The following CNTN4 variants were observed in gnomAD, a reference collection of about 807,000 sequenced individuals.
CNTN4 encodes contactin 4.
A neutral mutation model predicts 122.5 loss-of-function variants in CNTN4; 77 were observed. That is an observed-to-expected ratio of 0.63 (90% CI 0.52 to 0.76). The LOEUF is 0.76. Among genes scored for constraint, CNTN4 ranks in the 30% least tolerant of loss-of-function variants. CNTN4 has a pLI of 0.00. For missense variants in CNTN4, 1,256 were observed against 1,259.1 expected, an observed-to-expected ratio of 1.00 and a Z score of 0.04; for synonymous variants, 512 against 447.0, an observed-to-expected ratio of 1.15 and a Z score of -1.83.
intron 2 of CNTN4, among the ~76,000 whole-genome samples, chr3:2,209,038 A>G (rs2038489261): frequency 1.3e-5 from 2 of 152,176 alleles, no homozygotes; most frequent in African/African-American, 2.4e-5. Flanking sequence ...CAAATTCACA[A>G]TAATTCTGAA....
At chr3:2,729,380 C>CGGTGAAACCCCGTCTCTACT (rs1559437998) in intron 4 of CNTN4, among the ~76,000 whole-genome samples, 24 of 148,518 alleles carry the variant, frequency 1.6e-4, no homozygotes, top group African/African-American at 5.8e-4. Context: ...CCGGCTAACA[C>CGGTGAAACCCCGTCTCTACT]AAAATTAACA....
At chr3:2,339,559 G>A (rs1502576) in intron 3 of CNTN4, among the ~76,000 whole-genome samples, 51,445 of 152,008 alleles carry the variant, frequency 0.34, 8,897 homozygotes, top group Admixed American at 0.4. Context: ...TTGTACTTTT[G>A]CCAAATGGTT....
At chr3:2,410,167 T>A (rs2047179280) in intron 3 of CNTN4, among the ~76,000 whole-genome samples, 1 of 152,206 alleles carries the variant, frequency 6.6e-6, no homozygotes, top group South Asian at 2.1e-4. Context: ...TTCTTCTTGA[T>A]AAAGTGTTAT....
intron 2 of CNTN4, among the ~76,000 whole-genome samples, chr3:2,154,857 A>T (rs2035650203): frequency 6.6e-6 from 1 of 152,228 alleles, no homozygotes; most frequent in African/African-American, 2.4e-5. Flanking sequence ...AGTGCCAGAA[A>T]TACGGAGGAA....
At chr3:2,162,762 A>G (rs2036020916) in intron 2 of CNTN4, among the ~76,000 whole-genome samples, 1 of 152,210 alleles carries the variant, frequency 6.6e-6, no homozygotes, top group African/African-American at 2.4e-5. Flanking sequence ...AGTTTCCTGT[A>G]CTACTCAGGA....
intron 3 of CNTN4, among the ~76,000 whole-genome samples, chr3:2,566,938 C>CA (rs1368843109): frequency 2.0e-5 from 3 of 151,758 alleles, no homozygotes; most frequent in Non-Finnish European, 4.4e-5. Flanking sequence ...AGGAGAAAAG[C>CA]AAAAAAGGTA....
chr3:2,819,544 A>G lies in CNTN4; in HGVS notation c.417A>G (p.Gly139=). 6.2e-7 allele frequency: 1 copy of G among 1,614,130 alleles called. No individual in the cohort carries two copies. The highest frequency in any genetic ancestry group is 1.6e-4 in the Middle Eastern group (1 of 6,062). The part of the protein sequence containing the change: ...RSTVSVRRGQ[G]MVLLCGPPPH... ...CTGTGTCTGTCCGTCGAGGTCAAGG[A>G]ATGGTGCTACTGTGTGGCCCGCCAC... Residue 139 remains glycine (G), a synonymous_variant, in exon 7 of 25, where the codon GGA becomes GGG. Transcript: ENST00000418658.
chr3:2,239,696 C>T (rs180924448), intron 2 of CNTN4, among the ~76,000 whole-genome samples: 69 of 152,080 alleles, frequency 4.5e-4, no homozygotes, highest in Admixed American at 4.1e-3. Flanking sequence ...CAGTCTTCTT[C>T]TTATAATTAA....
intron 2 of CNTN4, among the ~76,000 whole-genome samples, chr3:2,180,383 A>T (rs1440505361): frequency 6.6e-6 from 1 of 152,030 alleles, no homozygotes; most frequent in African/African-American, 2.4e-5. Flanking sequence ...GTTTAACCTT[A>T]TCAATAGTAG....
chr3:2,461,998 T>C (rs2049229375), intron 3 of CNTN4, among the ~76,000 whole-genome samples: 1 of 152,152 alleles, frequency 6.6e-6, no homozygotes, highest in African/African-American at 2.4e-5. Flanking sequence ...CTGGAGACAT[T>C]TTTGGTTATC....
chr3:2,803,762 T>C (rs965998932), intron 6 of CNTN4, among the ~76,000 whole-genome samples: 1 of 152,038 alleles, frequency 6.6e-6, no homozygotes, highest in Non-Finnish European at 1.5e-5. Flanking sequence ...AGTTTCACCA[T>C]GTTGGCCAGG....
intron 3 of CNTN4, among the ~76,000 whole-genome samples, chr3:2,355,041 G>A (rs1157376941): frequency 1.3e-5 from 2 of 152,182 alleles, no homozygotes; most frequent in Admixed American, 6.5e-5. Context: ...GGCAGCCTCA[G>A]AAGCTGTATT....
intron 2 of CNTN4, among the ~76,000 whole-genome samples, chr3:2,277,948 C>T (rs1178522): frequency 0.065 from 9,856 of 151,258 alleles, 338 homozygotes; most frequent in African/African-American, 0.08. Context: ...TTTTTTTTTT[C>T]GCAGAAAATT....
rs148105960 is a variant in CNTN4, at chr3:2,346,381, A to G, written c.-89+7148A>G. Among the ~76,000 whole-genome samples, 1,257 of 152,144 alleles carry G rather than the reference A, an allele frequency of 8.3e-3. 11 individuals are homozygous for G. Among genetic ancestry groups the G allele is most frequent in the Middle Eastern group, 0.031 (9 of 294 alleles). ...AGCTCAACTTTTTCTTCCTCTTAGTAATTATTATTATATTTAATACATTCA... is the reference window on the plus strand; with the variant it reads ...AGCTCAACTTTTTCTTCCTCTTAGTGATTATTATTATATTTAATACATTCA... On this transcript the variant is annotated intron_variant, in intron 3 of 24. Transcript: ENST00000418658.
chr3:2,377,853 T>C (rs1256565062), intron 3 of CNTN4, among the ~76,000 whole-genome samples: 1 of 152,158 alleles, frequency 6.6e-6, no homozygotes, highest in African/African-American at 2.4e-5. Flanking sequence ...CTTCGTCCAG[T>C]GCGACCCAGG....
chr3:2,576,057 G>T (rs553749810), intron 4 of CNTN4, among the ~76,000 whole-genome samples: 5 of 151,992 alleles, frequency 3.3e-5, no homozygotes, highest in East Asian at 1.9e-4. Context: ...GGATGGTCTC[G>T]ATCTCCTGAC....
At chr3:2,712,508 T>C (rs112451694) in intron 4 of CNTN4, among the ~76,000 whole-genome samples, 4 of 152,184 alleles carry the variant, frequency 2.6e-5, no homozygotes, top group African/African-American at 9.7e-5. Context: ...TACAGATTTA[T>C]TTAATATAAG....
At chr3:2,653,919 T>C (rs1428104462) in intron 4 of CNTN4, among the ~76,000 whole-genome samples, 1 of 152,186 alleles carries the variant, frequency 6.6e-6, no homozygotes, top group Non-Finnish European at 1.5e-5. Context: ...TATAAGTGGT[T>C]CCATAAGGCC....
chr3:2,271,730 A>C (rs752723500), intron 2 of CNTN4, among the ~76,000 whole-genome samples: 1 of 152,148 alleles, frequency 6.6e-6, no homozygotes, highest in Non-Finnish European at 1.5e-5. Context: ...GGGGTCCCCA[A>C]CTAAAGAATG....
Sources: gnomAD v4.1 joint callset for allele counts (sites outside exome capture counted in the v4.1 genomes callset) on GRCh38, gnomAD v4.1.1 for gene constraint, MANE v1.5 for transcripts, NCBI Gene and HGNC (gene_info 2026-07-23, HGNC 2026-07-21) for gene names.